IQSEC1: variants seen among roughly 807,000 people sequenced by gnomAD.
The protein encoded by IQSEC1 is IQ motif and SEC7 domain-containing protein 1.
IQSEC1 carries 31 observed loss-of-function variants against 91.0 expected under a neutral mutation model. That is an observed-to-expected ratio of 0.34 (90% CI 0.26 to 0.46). The LOEUF (loss-of-function observed/expected upper bound fraction) is 0.46. Ranked by LOEUF, IQSEC1 falls within the 20% of genes least tolerant of loss-of-function variation. The pLI is 1.00. For missense variants in IQSEC1, 1,388 were observed against 1,575.6 expected (o/e 0.88, Z 2.02); for synonymous variants, 699 against 662.6 (o/e 1.05, Z -0.84).
chr3:13,223,234 C>A (rs1367753989), intron 1 of IQSEC1, among the ~76,000 whole-genome samples: 1 of 152,202 alleles, frequency 6.6e-6, no homozygotes, highest in Non-Finnish European at 1.5e-5. Flanking sequence ...TTGGCTTCTT[C>A]CCAGTTAGAG....
chr3:12,967,960 G>T lies in IQSEC1; in HGVS notation c.24-26095C>A, dbSNP rs1021454919. Among the ~76,000 whole-genome samples, 7 of 152,124 alleles carry T rather than the reference G, an allele frequency of 4.6e-5. No homozygotes were observed. Among genetic ancestry groups the T allele is most frequent in the African/African-American group, 1.7e-4 (7 of 41,428 alleles). On this transcript the variant is annotated intron_variant, in intron 1 of 13. Transcript: ENST00000613206. This position sits in a 1 kb window ranked among gnomAD's most constrained non-coding sequence, Gnocchi z 5.9. ...GGGCGGGGCCGAGCCGAGGCGCGGG[G>T]TGCAGAGCGCAAGGGCGGAGTCCCA...
At chr3:13,118,617 A>C (rs1164945967) in intron 2 of IQSEC1, among the ~76,000 whole-genome samples, 2 of 152,198 alleles carry the variant, frequency 1.3e-5, no homozygotes, top group African/African-American at 2.4e-5. Flanking sequence ...TCAAATTCAG[A>C]GACCTGAAGT....
intron 2 of IQSEC1, among the ~76,000 whole-genome samples, chr3:13,087,167 G>A (rs1705750245): frequency 6.6e-6 from 1 of 152,116 alleles, no homozygotes; most frequent in African/African-American, 2.4e-5. Context: ...ATCTACACTG[G>A]GTAATTACTT....
At chr3:13,092,763 C>T (rs112938232) in intron 2 of IQSEC1, among the ~76,000 whole-genome samples, 122 of 152,328 alleles carry the variant, frequency 8.0e-4, no homozygotes, top group African/African-American at 2.7e-3. Flanking sequence ...CATTCAGGCC[C>T]TGCGCTCTCT....
At chr3:13,109,083 G>A (rs914835454) in intron 2 of IQSEC1, among the ~76,000 whole-genome samples, 3 of 152,202 alleles carry the variant, frequency 2.0e-5, no homozygotes, top group Non-Finnish European at 1.5e-5. Flanking sequence ...CAACATGGAA[G>A]GGGATGGCCA....
intron 2 of IQSEC1, among the ~76,000 whole-genome samples, chr3:13,122,373 G>T (rs557304602): frequency 6.6e-6 from 1 of 152,264 alleles, no homozygotes; most frequent in Non-Finnish European, 1.5e-5. Flanking sequence ...CTTTGTCTTT[G>T]ACTGAGTGAG....
chr3:13,132,454 C>A (rs987769358), intron 2 of IQSEC1, among the ~76,000 whole-genome samples: 3 of 152,194 alleles, frequency 2.0e-5, no homozygotes, highest in Non-Finnish European at 4.4e-5. Context: ...CAGCTGAATA[C>A]TCAGAGGCAG....
intron 1 of IQSEC1, among the ~76,000 whole-genome samples, chr3:13,235,917 C>T (rs1225377285): frequency 6.6e-6 from 1 of 152,174 alleles, no homozygotes; most frequent in East Asian, 1.9e-4. Context: ...CCCGCTGCGG[C>T]AGACAGATTG....
At chr3:12,989,541 T>C (rs1173434443) in intron 1 of IQSEC1, among the ~76,000 whole-genome samples, 1 of 152,138 alleles carries the variant, frequency 6.6e-6, no homozygotes, top group East Asian at 1.9e-4. Flanking sequence ...AGCTGACAGC[T>C]GGAATTCGAA....
At chr3:12,999,814 T>C (rs1702352814) in intron 1 of IQSEC1, among the ~76,000 whole-genome samples, 1 of 152,238 alleles carries the variant, frequency 6.6e-6, no homozygotes, top group Admixed American at 6.5e-5. Context: ...CTGTACTTTC[T>C]GGCCTCAATT....
chr3:13,034,234 C>T (rs1183849591), intron 1 of IQSEC1, among the ~76,000 whole-genome samples: 3 of 152,294 alleles, frequency 2.0e-5, no homozygotes, highest in African/African-American at 7.2e-5. Flanking sequence ...AGTGGAGCTC[C>T]TCAGGTTGCC....
rs1028224083 is a variant in IQSEC1 at position 13,244,199 on chromosome 3, AT to A, written c.272+38511del. ...AGTTGATAACAAAAAGCAACTGATA[AT>A]TTTTTTTTTTGAGACACAGTCTTGC... On this transcript the variant is annotated intron_variant, in intron 1 of 15. Coordinates refer to the IQSEC1 transcript ENST00000648114. 2.8e-3 allele frequency among the ~76,000 whole-genome samples: 418 copies of A among 149,248 alleles called. 1 individual carries two copies. The highest frequency in any genetic ancestry group is 8.3e-3 in the African/African-American group (340 of 40,862).
At chr3:13,066,631 A>G (rs745997414) in intron 1 of IQSEC1, among the ~76,000 whole-genome samples, 96 of 152,244 alleles carry the variant, frequency 6.3e-4, no homozygotes, top group Non-Finnish European at 3.1e-4. Context: ...CAGGAGGACC[A>G]GGAGAGAGGG....
intron 1 of IQSEC1, among the ~76,000 whole-genome samples, chr3:12,966,133 C>T (rs573670020): frequency 6.6e-6 from 1 of 152,302 alleles, no homozygotes; most frequent in South Asian, 2.1e-4. Context: ...ACATGACCCC[C>T]ATGTCCAGAC....
intron 1 of IQSEC1, among the ~76,000 whole-genome samples, chr3:13,185,541 C>T (rs17037834): frequency 0.042 from 6,380 of 152,290 alleles, 321 homozygotes; most frequent in East Asian, 0.29. Flanking sequence ...TAAAGCGTGA[C>T]AATGGCCAAA....
At chr3:13,194,117 C>T (rs114706790) in intron 1 of IQSEC1, among the ~76,000 whole-genome samples, 6 of 152,174 alleles carry the variant, frequency 3.9e-5, no homozygotes, top group African/African-American at 1.4e-4. Flanking sequence ...AGGGCCACCA[C>T]CACGAGCTCA....
intron 1 of IQSEC1, among the ~76,000 whole-genome samples, chr3:13,062,861 G>A (rs1705114062): frequency 6.6e-6 from 1 of 152,174 alleles, no homozygotes; most frequent in South Asian, 2.1e-4. Flanking sequence ...ATCTTGATGA[G>A]GGATGAAGCC....
intron 2 of IQSEC1, among the ~76,000 whole-genome samples, chr3:13,131,661 A>G (rs1431638191): frequency 6.6e-6 from 1 of 151,854 alleles, no homozygotes; most frequent in African/African-American, 2.4e-5. Flanking sequence ...TAACTTTTGT[A>G]TTTTTAGTAG....
intron 1 of IQSEC1, among the ~76,000 whole-genome samples, chr3:13,028,893 C>T (rs569802934): frequency 1.2e-4 from 19 of 152,300 alleles, no homozygotes; most frequent in African/African-American, 3.8e-4. Flanking sequence ...TCTGGGACTC[C>T]GGATCAGAAG....
Sources: gnomAD v4.1 joint callset for allele counts (sites outside exome capture counted in the v4.1 genomes callset) on GRCh38, gnomAD v4.1.1 for gene constraint, Gnocchi (gnomAD v3.1) non-coding constraint, MANE v1.5 for transcripts, NCBI Gene and HGNC (gene_info 2026-07-23, HGNC 2026-07-21) for gene names.